Variants in SSBP2 observed in about 807,000 individuals in gnomAD.
The protein encoded by SSBP2 is single stranded DNA binding protein 2.
SSBP2 carries 17 observed loss-of-function variants against 61.8 expected under a neutral mutation model. The ratio of observed to expected loss-of-function variants is 0.28; its 90% CI spans 0.19 to 0.41. The LOEUF (loss-of-function observed/expected upper bound fraction) is 0.41. Among genes scored for constraint, SSBP2 ranks in the 10% least tolerant of loss-of-function variants. The pLI is 1.00. For missense variants in SSBP2, 310 were observed against 458.7 expected, an observed-to-expected ratio of 0.68 and a Z score of 2.96; for synonymous variants, 139 against 141.3, an observed-to-expected ratio of 0.98 and a Z score of 0.12.
intron 4 of SSBP2, among the ~76,000 whole-genome samples, chr5:81,528,444 T>C (rs1160818252): frequency 6.6e-6 from 1 of 152,068 alleles, no homozygotes; most frequent in African/African-American, 2.4e-5. Context: ...ACCTTTATGT[T>C]AACATTCAAT....
At chr5:81,561,124 G>C (rs1467913505) in intron 4 of SSBP2, among the ~76,000 whole-genome samples, 1 of 152,110 alleles carries the variant, frequency 6.6e-6, no homozygotes, top group Non-Finnish European at 1.5e-5. Flanking sequence ...AAAAAAACTA[G>C]AGTAAACTAT....
intron 4 of SSBP2, among the ~76,000 whole-genome samples, chr5:81,526,579 G>A (rs980549364): frequency 1.3e-5 from 2 of 151,796 alleles, no homozygotes; most frequent in Admixed American, 6.6e-5. Flanking sequence ...ACATAAAATG[G>A]CTTTGAATTT....
chr5:81,452,745 C>T (rs1763859378), intron 10 of SSBP2, among the ~76,000 whole-genome samples: 1 of 152,000 alleles, frequency 6.6e-6, no homozygotes, highest in Non-Finnish European at 1.5e-5. Flanking sequence ...GGGGAAATGT[C>T]TGATTATAGG....
rs188856934 is a variant in SSBP2 at position 81,498,226 on chromosome 5, T to C, written c.373-8917A>G. On this transcript the variant is annotated intron_variant, in intron 5 of 16. Transcript: ENST00000320672. ...TTTAGATTAAAAACCTGTAAGAAAA[T>C]GGTTATTTGCCAAAAAGTAATTTTC... 2.1e-3 allele frequency among the ~76,000 whole-genome samples: 316 copies of C among 152,154 alleles called. 1 individual carries two copies. The highest frequency in any genetic ancestry group is 3.5e-3 in the Admixed American group (54 of 15,284).
At chr5:81,446,981 T>G (rs1763444129) in intron 11 of SSBP2, 59 bp from the exon 12 acceptor site, 1 of 1,271,196 alleles carries the variant, frequency 7.9e-7, no homozygotes, top group African/African-American at 1.5e-5. Flanking sequence ...AAAACAGAAG[T>G]TAGACTTATA....
intron 1 of SSBP2, among the ~76,000 whole-genome samples, chr5:81,728,139 A>AG (rs1232004383): frequency 1.3e-5 from 2 of 152,088 alleles, no homozygotes; most frequent in African/African-American, 2.4e-5. Context: ...AACCACCGTT[A>AG]GTCTAAGTTT....
chr5:81,567,588 GC>G (rs1773521805), intron 4 of SSBP2, among the ~76,000 whole-genome samples: 1 of 151,756 alleles, frequency 6.6e-6, no homozygotes, highest in South Asian at 2.1e-4. Context: ...CTGGGTTACT[GC>G]CTACTGGACC....
chr5:81,661,489 C>T (rs552970230), intron 1 of SSBP2, among the ~76,000 whole-genome samples: 1 of 150,830 alleles, frequency 6.6e-6, no homozygotes, highest in South Asian at 2.1e-4. Context: ...GGTTCCCTTT[C>T]ATCCACATCC....
At chr5:81,614,354 C>G (rs1303188041) in intron 4 of SSBP2, among the ~76,000 whole-genome samples, 1 of 104,524 alleles carries the variant, frequency 9.6e-6, no homozygotes, top group African/African-American at 3.9e-5. Flanking sequence ...AGCGAGACTC[C>G]GTCTCAAAAA....
chr5:81,456,236 CCT>C (rs1764135002), intron 10 of SSBP2, among the ~76,000 whole-genome samples: 2 of 152,160 alleles, frequency 1.3e-5, no homozygotes, highest in South Asian at 4.2e-4. Context: ...CTCTTTTTCC[CCT>C]GACAAGTGAG....
Position 81,704,488 on chromosome 5 carries a change from A to G in SSBP2, c.62+46493T>C, listed in dbSNP as rs1291064405. Among the ~76,000 whole-genome samples, 4 of 152,066 alleles carry G rather than the reference A, an allele frequency of 2.6e-5. No homozygotes were observed. In the East Asian group the frequency reaches 7.7e-4, roughly 29 times the overall value. ...ACACACATATACACAATATTATACA[A>G]TTGTTTAGGGATTTAAAAAGCATTC... On this transcript the variant is annotated intron_variant, in intron 1 of 16. Transcript: ENST00000320672.
chr5:81,665,900 A>G (rs886704800), intron 1 of SSBP2, among the ~76,000 whole-genome samples: 2 of 152,190 alleles, frequency 1.3e-5, no homozygotes, highest in African/African-American at 4.8e-5. Flanking sequence ...TGTGATTCCT[A>G]GGTGACAAAA....
chr5:81,705,257 T>C (rs1447668135), intron 1 of SSBP2, among the ~76,000 whole-genome samples: 2 of 152,176 alleles, frequency 1.3e-5, no homozygotes, highest in Admixed American at 1.3e-4. Context: ...AATTTTTCTA[T>C]ACTCCTCTTA....
chr5:81,636,381 T>C, intron 3 of SSBP2, 176 bp downstream of exon 3: 3 of 471,248 alleles, frequency 6.4e-6, no homozygotes, highest in South Asian at 1.2e-4. Flanking sequence ...AATAGTAGTA[T>C]ATTTAAGTTA....
At chr5:81,513,600 C>T in intron 5 of SSBP2, 28 bp downstream of exon 5, 1 of 1,371,218 alleles carries the variant, frequency 7.3e-7, no homozygotes, top group Non-Finnish European at 1.0e-6. Flanking sequence ...TATGCTTTAA[C>T]ATTCCTAGTC....
Position 81,420,305 on chromosome 5 carries a change from C to T in SSBP2, c.*199G>A. ...TTCAGTTTAGGGCAATTCTAATATG[C>T]CACTCCGTACAGTTGTTTGAATCAC... On this transcript the variant is annotated 3_prime_UTR_variant, in exon 17 of 17. Transcript: ENST00000320672. 1.7e-6 allele frequency: 1 copy of T among 596,338 alleles called. No homozygotes were observed. The highest frequency in any genetic ancestry group is 3.0e-6 in the Non-Finnish European group (1 of 332,504). The allele number at this position is 596,338 out of a possible 1,614,324, so 36.9% of individuals were successfully genotyped here.
chr5:81,630,825 A>G (rs1278358018), intron 3 of SSBP2, among the ~76,000 whole-genome samples: 1 of 152,028 alleles, frequency 6.6e-6, no homozygotes, highest in Non-Finnish European at 1.5e-5. Flanking sequence ...CCAAACATCT[A>G]CAGTGTAGGA....
chr5:81,496,511 A>C (rs1227446610), intron 5 of SSBP2, among the ~76,000 whole-genome samples: 1 of 152,160 alleles, frequency 6.6e-6, no homozygotes, highest in East Asian at 1.9e-4. Context: ...AGAAATATAT[A>C]ATTACCAGGT....
At chr5:81,501,730 T>G (rs1263195582) in intron 5 of SSBP2, among the ~76,000 whole-genome samples, 2 of 151,404 alleles carry the variant, frequency 1.3e-5, no homozygotes, top group Admixed American at 1.3e-4. Context: ...GCCCGGCTAA[T>G]TTTGTTTTTG....
Sources: gnomAD v4.1 joint callset for allele counts (sites outside exome capture counted in the v4.1 genomes callset) on GRCh38, gnomAD v4.1.1 for gene constraint, MANE v1.5 for transcripts, NCBI Gene and HGNC (gene_info 2026-07-23, HGNC 2026-07-21) for gene names.